Variants in TRMT9B observed in about 807,000 individuals in gnomAD.
TRMT9B encodes probable tRNA methyltransferase 9B.
In TRMT9B, 16 loss-of-function variants were observed where a neutral mutation model predicts 11.5. The observed-to-expected ratio is 1.39, with a 90% CI of 0.94 to 2.11. The LOEUF (loss-of-function observed/expected upper bound fraction) is 2.11, where lower values mean the gene tolerates loss of function less well. Ranked by LOEUF, TRMT9B falls within the 30% of genes most tolerant of loss-of-function variation. The pLI is 0.00. For missense variants in TRMT9B, 941 were observed against 553.8 expected, an observed-to-expected ratio of 1.70 and a Z score of -7.02; for synonymous variants, 274 against 192.4, an observed-to-expected ratio of 1.42 and a Z score of -3.51.
intron 4 of TRMT9B, among the ~76,000 whole-genome samples, chr8:13,018,411 G>A (rs1232706861): frequency 1.0e-4 from 12 of 117,298 alleles, no homozygotes; most frequent in Admixed American, 4.3e-4. Context: ...AAAAAAAAAC[G>A]ACAACAAAGA....
Position 12,994,933 on chromosome 8 carries a change from C to T in TRMT9B, c.-2+3902C>T, listed in dbSNP as rs562931037. On this transcript the variant is annotated intron_variant, in intron 2 of 4. Transcript: ENST00000524591. ...TCGACCTCAGGTGATCCACTCGCCT[C>T]GGCCTCCCAAAGTGCTGGAATTACA... is the stretch of plus-strand genomic sequence containing the variant. Among the ~76,000 whole-genome samples, 3 of 152,276 alleles carry T rather than the reference C, an allele frequency of 2.0e-5. No individual in the cohort carries two copies. The East Asian group carries it at 5.8e-4, about 29-fold the overall frequency.
chr8:12,987,365 A>T (rs1563366132), intron 1 of TRMT9B, among the ~76,000 whole-genome samples: 1 of 152,332 alleles, frequency 6.6e-6, no homozygotes, highest in East Asian at 1.9e-4. Flanking sequence ...CATCCCAATA[A>T]ACCCATTATA....
chr8:12,978,217 C>T (rs770192580), intron 1 of TRMT9B, among the ~76,000 whole-genome samples: 4 of 152,128 alleles, frequency 2.6e-5, no homozygotes, highest in African/African-American at 4.8e-5. Context: ...TCAAACACTT[C>T]GATTTATCAT....
intron 4 of TRMT9B, among the ~76,000 whole-genome samples, 171 bp downstream of exon 4, chr8:13,013,028 G>A (rs1811945482): frequency 6.6e-6 from 1 of 152,168 alleles, no homozygotes; most frequent in Non-Finnish European, 1.5e-5. Context: ...ACTCCAAAAT[G>A]TATTTATGGC....
chr8:12,972,385 G>C (rs1363283453), intron 1 of TRMT9B, among the ~76,000 whole-genome samples: 1 of 152,170 alleles, frequency 6.6e-6, no homozygotes, highest in South Asian at 2.1e-4. Flanking sequence ...GAGGAGACTT[G>C]CTTGTGGGCG....
chr8:12,980,828 C>G (rs867998087), intron 1 of TRMT9B, among the ~76,000 whole-genome samples: 1 of 152,262 alleles, frequency 6.6e-6, no homozygotes, highest in Middle Eastern at 3.4e-3. Context: ...TATCAAATGT[C>G]CAAAGCATTC....
rs150001151 is a variant in TRMT9B at position 13,017,001 on chromosome 8, G to A, written c.329-4007G>A. 7.3e-3 allele frequency among the ~76,000 whole-genome samples: 1,107 copies of A among 151,594 alleles called. 10 individuals are homozygous for A. The highest frequency in any genetic ancestry group is 0.026 in the African/African-American group (1,054 of 41,280). On this transcript the variant is annotated intron_variant, in intron 4 of 4. Transcript: ENST00000524591. ...TGGCCGGGCATAGTAGTGCATGCCT[G>A]TAATCTCAGCTACTCAGGAGGCTGA...
At chr8:12,984,675 C>T (rs1018209800) in intron 1 of TRMT9B, among the ~76,000 whole-genome samples, 3 of 152,118 alleles carry the variant, frequency 2.0e-5, no homozygotes, top group Admixed American at 2.0e-4. Flanking sequence ...ACAAAACTGA[C>T]AGCTGTTTTT....
At chr8:12,949,509 A>G (rs993218852) in intron 1 of TRMT9B, among the ~76,000 whole-genome samples, 3 of 152,094 alleles carry the variant, frequency 2.0e-5, no homozygotes, top group African/African-American at 7.2e-5. Flanking sequence ...TCCCACAACC[A>G]TTACCCAAAT....
rs1267111895 is a variant in TRMT9B at position 13,023,000 on chromosome 8, A to AATG, written c.*958_*959insGAT. 1 of 166,730 alleles carries AATG rather than the reference A, an allele frequency of 6.0e-6. No individual in the cohort carries two copies. Among genetic ancestry groups the AATG allele is most frequent in the Non-Finnish European group, 1.5e-5 (1 of 68,112 alleles). 10.3% of individuals were successfully genotyped at this position (166,730 alleles called of 1,614,324 possible). A position where few individuals can be genotyped will look rare whatever the true frequency, so the allele number is the denominator to read the frequency against. ...TCTGTCTCAAAATAATAATAATAAT[A>AATG]ATAATAAAGGCGTTGTTAGCTTGTA... On this transcript the variant is annotated 3_prime_UTR_variant, in exon 5 of 5. Coordinates refer to ENST00000524591, the MANE Select transcript of TRMT9B (RefSeq NM_020844.3).
intron 1 of TRMT9B, among the ~76,000 whole-genome samples, chr8:12,985,253 G>A (rs939407645): frequency 3.3e-5 from 5 of 152,062 alleles, no homozygotes; most frequent in Admixed American, 1.3e-4. Context: ...GTATTCTCCC[G>A]GTGCAACATA....
In TRMT9B at chr8:13,027,742, A is replaced by G. The variant is rs950919915; in HGVS notation, c.*5698A>G. The G allele has an allele frequency of 6.0e-5, 10 of 167,122 alleles. No homozygotes were observed. Among genetic ancestry groups the G allele is most frequent in the Non-Finnish European group, 1.5e-4 (10 of 68,126 alleles). 10.4% of individuals were successfully genotyped at this position (167,122 alleles called of 1,614,324 possible). On this transcript the variant is annotated 3_prime_UTR_variant, in exon 5 of 5. Coordinates refer to ENST00000524591, the MANE Select transcript of TRMT9B (RefSeq NM_020844.3). ...TACAGGCTTCATTCTATCAAGAGGCATATGAGGTAAGCGTTATTATACACC... is the reference window on the plus strand; with the variant it reads ...TACAGGCTTCATTCTATCAAGAGGCGTATGAGGTAAGCGTTATTATACACC...
intron 1 of TRMT9B, among the ~76,000 whole-genome samples, chr8:12,965,280 G>C (rs576533946): frequency 6.6e-6 from 1 of 152,258 alleles, no homozygotes; most frequent in South Asian, 2.1e-4. Flanking sequence ...GGAGACTCTG[G>C]AGGGAACTAC....
chr8:12,955,429 T>C (rs1286027754), intron 1 of TRMT9B, among the ~76,000 whole-genome samples: 3 of 152,074 alleles, frequency 2.0e-5, no homozygotes, highest in Non-Finnish European at 4.4e-5. Flanking sequence ...TTCCCTCCTA[T>C]CCTCCCTTCT....
chr8:12,964,302 A>T (rs1182695450), intron 1 of TRMT9B, among the ~76,000 whole-genome samples: 1 of 152,224 alleles, frequency 6.6e-6, no homozygotes, highest in African/African-American at 2.4e-5. Context: ...CTTGGCAATA[A>T]GTAAAATAGT....
chr8:12,969,339 T>A (rs1268196934), intron 1 of TRMT9B, among the ~76,000 whole-genome samples: 2 of 152,212 alleles, frequency 1.3e-5, no homozygotes, highest in Non-Finnish European at 2.9e-5. Flanking sequence ...TCTACCTTCC[T>A]ATGTTTCTGT....
At chr8:13,003,967 T>A (rs538972079) in intron 2 of TRMT9B, among the ~76,000 whole-genome samples, 1 of 151,762 alleles carries the variant, frequency 6.6e-6, no homozygotes, top group Non-Finnish European at 1.5e-5. Flanking sequence ...AGCAGCCATG[T>A]GCATGCAGAG....
intron 4 of TRMT9B, among the ~76,000 whole-genome samples, chr8:13,014,234 T>C (rs1175562320): frequency 1.3e-5 from 2 of 152,184 alleles, no homozygotes; most frequent in Admixed American, 1.3e-4. Flanking sequence ...TTGAAACTGT[T>C]AGATCCATTT....
chr8:12,971,662 C>T (rs558142819), intron 1 of TRMT9B, among the ~76,000 whole-genome samples: 3 of 152,174 alleles, frequency 2.0e-5, no homozygotes, highest in Admixed American at 2.0e-4. Flanking sequence ...AATTAGCAAA[C>T]AAGAAAATGG....
Sources: gnomAD v4.1 joint callset for allele counts (sites outside exome capture counted in the v4.1 genomes callset) on GRCh38, gnomAD v4.1.1 for gene constraint, MANE v1.5 for transcripts, NCBI Gene and HGNC (gene_info 2026-07-23, HGNC 2026-07-21) for gene names.